The following THRB variants were observed in gnomAD, a reference collection of about 807,000 sequenced individuals.
The protein encoded by THRB is thyroid hormone receptor beta.
In THRB, 12 loss-of-function variants were observed where a neutral mutation model predicts 47.8. That is an observed-to-expected ratio of 0.25 (90% CI 0.16 to 0.41). The LOEUF (loss-of-function observed/expected upper bound fraction) is 0.41, where lower values mean the gene tolerates loss of function less well. THRB is among the 10% of genes least tolerant of loss of function. The pLI, the probability that THRB is intolerant of heterozygous loss-of-function variation, is 1.00. For missense variants in THRB, 348 were observed against 589.2 expected (o/e 0.59, Z 4.24); for synonymous variants, 218 against 212.2 (o/e 1.03, Z -0.24).
At chr3:24,432,710 T>G (rs1318822227) in intron 1 of THRB, among the ~76,000 whole-genome samples, 7 of 152,102 alleles carry the variant, frequency 4.6e-5, no homozygotes, top group Non-Finnish European at 1.0e-4. Flanking sequence ...GCTGTGAAAT[T>G]TTTTTAAAAT....
intron 5 of THRB, among the ~76,000 whole-genome samples, chr3:24,175,483 C>G (rs999340667): frequency 6.6e-6 from 1 of 152,108 alleles, no homozygotes; most frequent in Non-Finnish European, 1.5e-5. Flanking sequence ...AGGATCCACA[C>G]CAAAAGAAAA....
At chr3:24,366,547 T>C (rs1325131246) in intron 1 of THRB, among the ~76,000 whole-genome samples, 2 of 152,156 alleles carry the variant, frequency 1.3e-5, no homozygotes, top group Non-Finnish European at 1.5e-5. Flanking sequence ...GAAGTCAAGT[T>C]ATCTGAACTG....
chr3:24,162,868 TAGAAAA>T (rs971317234), intron 5 of THRB, among the ~76,000 whole-genome samples: 3 of 151,896 alleles, frequency 2.0e-5, no homozygotes, highest in African/African-American at 7.3e-5. Flanking sequence ...CTCTGTATAT[TAGAAAA>T]TAAAGGCTAG....
intron 1 of THRB, among the ~76,000 whole-genome samples, chr3:24,394,850 T>G: frequency 6.6e-6 from 1 of 152,098 alleles, no homozygotes; most frequent in South Asian, 2.1e-4. Flanking sequence ...CAGAGAAACC[T>G]CAGCTTACTA....
At chr3:24,369,243 A>G (rs1256516027) in intron 1 of THRB, among the ~76,000 whole-genome samples, 1 of 152,162 alleles carries the variant, frequency 6.6e-6, no homozygotes, top group Non-Finnish European at 1.5e-5. Context: ...AACTAACATC[A>G]TATCTACTAT....
chr3:24,339,532 A>C (rs1168745562), intron 1 of THRB, among the ~76,000 whole-genome samples: 2 of 152,192 alleles, frequency 1.3e-5, no homozygotes, highest in Non-Finnish European at 2.9e-5. Flanking sequence ...TTAGGTTTTA[A>C]AGATAAAACT....
chr3:24,473,561 C>T (rs1695005161), intron 1 of THRB, among the ~76,000 whole-genome samples: 1 of 152,122 alleles, frequency 6.6e-6, no homozygotes, highest in South Asian at 2.1e-4. Context: ...ACCAGAAATA[C>T]CATTTGACCC....
intron 3 of THRB, among the ~76,000 whole-genome samples, chr3:24,258,002 G>T (rs1433108191): frequency 1.3e-5 from 2 of 152,186 alleles, no homozygotes; most frequent in Non-Finnish European, 2.9e-5. Flanking sequence ...GAGAATCAGG[G>T]TCTGTAGTTT....
intron 3 of THRB, among the ~76,000 whole-genome samples, chr3:24,246,803 G>A (rs2050152547): frequency 6.6e-6 from 1 of 152,114 alleles, no homozygotes. Context: ...TCAAGAAAAA[G>A]TTTATCATAA....
chr3:24,399,708 C>T (rs549762793), intron 1 of THRB, among the ~76,000 whole-genome samples: 22 of 152,206 alleles, frequency 1.4e-4, no homozygotes, highest in African/African-American at 5.1e-4. Context: ...TAAGAATGAC[C>T]TATGTCACTT....
intron 5 of THRB, among the ~76,000 whole-genome samples, chr3:24,174,020 T>TA (rs375351841): frequency 2.0e-5 from 3 of 152,080 alleles, no homozygotes; most frequent in African/African-American, 4.8e-5. Context: ...GGCCACATTT[T>TA]AAAAAAAATT....
intron 2 of THRB, among the ~76,000 whole-genome samples, chr3:24,298,874 C>A (rs1385417176): frequency 6.6e-6 from 1 of 152,170 alleles, no homozygotes; most frequent in East Asian, 1.9e-4. Context: ...TTTAAAAATT[C>A]ATTCCAAAAT....
chr3:24,443,439 A>G (rs2125432569), intron 1 of THRB, among the ~76,000 whole-genome samples: 1 of 152,352 alleles, frequency 6.6e-6, no homozygotes, highest in Non-Finnish European at 1.5e-5. Context: ...TGCAGAACAC[A>G]GAAAATGATA....
intron 3 of THRB, among the ~76,000 whole-genome samples, chr3:24,241,570 C>T (rs60355714): frequency 0.016 from 2,481 of 152,270 alleles, 69 homozygotes; most frequent in African/African-American, 0.056. Context: ...CCAGTGTGAT[C>T]TATCCAAAGC....
chr3:24,301,554 T>A (rs951749748), intron 2 of THRB, among the ~76,000 whole-genome samples: 2 of 151,812 alleles, frequency 1.3e-5, no homozygotes, highest in African/African-American at 4.9e-5. Context: ...AAAAATTACA[T>A]GGTACAGTAT....
rs191245732 is a variant in THRB at position 24,228,434 on chromosome 3, G to T, written c.22+504C>A. ...AATATACACTTTCTGTGGTCACAAA[G>T]TATGTAGAGCCATTTATTATATTAA... On this transcript the variant is annotated intron_variant, in intron 4 of 10. Transcript: ENST00000646209. 1.4e-3 allele frequency among the ~76,000 whole-genome samples: 206 copies of T among 152,144 alleles called. 2 individuals carry two copies. The highest frequency in any genetic ancestry group is 4.8e-3 in the African/African-American group (199 of 41,508).
chr3:24,188,858 A>AATATATATATATATATATATATAT (rs34740399), intron 5 of THRB, among the ~76,000 whole-genome samples: 953 of 93,778 alleles, frequency 0.01, 61 homozygotes, highest in African/African-American at 0.027. Context: ...GATCTCCTCA[A>AATATATATATATATATATATATAT]ATATATATAT....
At chr3:24,276,841 G>C (rs1038159141) in intron 3 of THRB, among the ~76,000 whole-genome samples, 13 of 152,224 alleles carry the variant, frequency 8.5e-5, no homozygotes, top group African/African-American at 3.1e-4. Flanking sequence ...ATGATACGAT[G>C]TTGGAGCAAA....
intron 2 of THRB, among the ~76,000 whole-genome samples, chr3:24,322,487 G>A (rs2058549138): frequency 6.6e-6 from 1 of 152,108 alleles, no homozygotes; most frequent in South Asian, 2.1e-4. Flanking sequence ...CTGTCTGATG[G>A]CCCCTCACTA....
Sources: allele counts gnomAD v4.1 joint callset (sites outside exome capture counted in the v4.1 genomes callset), GRCh38; gene constraint gnomAD v4.1.1; transcripts MANE v1.5; gene names NCBI Gene and HGNC (gene_info 2026-07-23, HGNC 2026-07-21).